Variants in MGMT observed in about 807,000 individuals in gnomAD.
MGMT encodes the protein O-6-methylguanine-DNA methyltransferase, also known as methylated-DNA--protein-cysteine methyltransferase.
A neutral mutation model predicts 15.9 loss-of-function variants in MGMT; 14 were observed. The ratio of observed to expected loss-of-function variants is 0.88; its 90% CI spans 0.58 to 1.37. The LOEUF (loss-of-function observed/expected upper bound fraction) is 1.37. Among genes scored for constraint, MGMT ranks in the 40% most tolerant of loss-of-function variants. The pLI is 0.00. For missense variants in MGMT, 282 were observed against 268.1 expected (o/e 1.05, Z -0.36); for synonymous variants, 130 against 118.2 (o/e 1.10, Z -0.65).
At chr10:129,607,212 A>G (rs1362163647) in intron 2 of MGMT, among the ~76,000 whole-genome samples, 2 of 151,942 alleles carry the variant, frequency 1.3e-5, no homozygotes, top group Non-Finnish European at 2.9e-5. Flanking sequence ...CCACGCGTAA[A>G]TCCTCAGAAG....
At chr10:129,472,091 C>G (rs1845238363) in intron 1 of MGMT, among the ~76,000 whole-genome samples, 1 of 152,160 alleles carries the variant, frequency 6.6e-6, no homozygotes, top group Admixed American at 6.5e-5. Context: ...AGAGGGTTGT[C>G]TTGTTTTTAA....
intron 2 of MGMT, among the ~76,000 whole-genome samples, chr10:129,645,731 C>T (rs893745249): frequency 6.6e-6 from 1 of 152,214 alleles, no homozygotes; most frequent in Admixed American, 6.5e-5. Flanking sequence ...TGGACACGTT[C>T]TTTCTCCTTA....
chr10:129,654,884 G>A (rs1206899721), intron 2 of MGMT, among the ~76,000 whole-genome samples: 1 of 152,166 alleles, frequency 6.6e-6, no homozygotes, highest in Non-Finnish European at 1.5e-5. Context: ...TTCTACAAAT[G>A]CCTGAGAAGA....
At chr10:129,669,164 G>GT (rs1274289285) in intron 2 of MGMT, among the ~76,000 whole-genome samples, 7 of 151,864 alleles carry the variant, frequency 4.6e-5, no homozygotes, top group Non-Finnish European at 7.4e-5. Context: ...TGATATTTTT[G>GT]TTTTTTTAAA....
At chr10:129,753,517 T>C (rs1288806245) in intron 3 of MGMT, among the ~76,000 whole-genome samples, 1 of 152,180 alleles carries the variant, frequency 6.6e-6, no homozygotes, top group East Asian at 1.9e-4. Flanking sequence ...TACTTTTTTT[T>C]CTGTTGTTTG....
chr10:129,513,775 G>T (rs889192719), intron 1 of MGMT, among the ~76,000 whole-genome samples: 1 of 152,196 alleles, frequency 6.6e-6, no homozygotes, highest in African/African-American at 2.4e-5. Context: ...CCTTCATGAG[G>T]ATGTTGGAGC....
chr10:129,508,520 C>CTT (rs11311009), intron 1 of MGMT, among the ~76,000 whole-genome samples: 1 of 141,540 alleles, frequency 7.1e-6, no homozygotes, highest in Non-Finnish European at 1.5e-5. Context: ...TTCTTTCTTT[C>CTT]TTTTTTTTTT....
At chr10:129,756,615 G>A (rs774744150) in intron 3 of MGMT, among the ~76,000 whole-genome samples, 12 of 152,298 alleles carry the variant, frequency 7.9e-5, no homozygotes, top group South Asian at 6.2e-4. Flanking sequence ...GACTGCAGAC[G>A]AGCACCACCA....
At chr10:129,643,998 A>G (rs1229402860) in intron 2 of MGMT, among the ~76,000 whole-genome samples, 1 of 152,100 alleles carries the variant, frequency 6.6e-6, no homozygotes, top group Non-Finnish European at 1.5e-5. Context: ...TACTTTGATG[A>G]TGCGAATATC....
intron 1 of MGMT, among the ~76,000 whole-genome samples, chr10:129,507,490 G>GAGATCTGGCTTTCAGTCCCTGTTCAC: frequency 6.6e-6 from 1 of 152,294 alleles, no homozygotes; most frequent in South Asian, 2.1e-4. Context: ...CCTGCTGGAG[G>GAGATCTGGCTTTCAGTCCCTGTTCAC]AGATCTGGCT....
At chr10:129,657,171 G>C (rs896936937) in intron 2 of MGMT, among the ~76,000 whole-genome samples, 3 of 152,098 alleles carry the variant, frequency 2.0e-5, no homozygotes, top group African/African-American at 4.8e-5. Flanking sequence ...GTGTTTACCT[G>C]CCCAGAGTTG....
intron 2 of MGMT, among the ~76,000 whole-genome samples, chr10:129,614,529 G>T (rs1268675417): frequency 6.6e-6 from 1 of 152,202 alleles, no homozygotes; most frequent in Non-Finnish European, 1.5e-5. Flanking sequence ...TTCTCCTTCA[G>T]ATCAGCGGCC....
rs953493933 is a variant in MGMT at position 129,614,905 on chromosome 10, C to T, written c.125+78528C>T. 2.0e-5 allele frequency among the ~76,000 whole-genome samples: 3 copies of T among 152,180 alleles called. No homozygotes were observed. In the South Asian group the frequency reaches 6.2e-4, roughly 32 times the overall value. On this transcript the variant is annotated intron_variant, in intron 2 of 4. Transcript: ENST00000651593. ...TGGGTGCCGAGCGCTCCCTCGTCAG[C>T]TTTTGCAAAGCATTTTGCATATTCC...
At chr10:129,490,902 A>G (rs1845462780) in intron 1 of MGMT, among the ~76,000 whole-genome samples, 2 of 152,364 alleles carry the variant, frequency 1.3e-5, no homozygotes, top group African/African-American at 2.4e-5. Flanking sequence ...TGGACTTACT[A>G]TAGTTCACCT....
At chr10:129,565,589 G>A (rs1248633198) in intron 2 of MGMT, among the ~76,000 whole-genome samples, 1 of 152,178 alleles carries the variant, frequency 6.6e-6, no homozygotes, top group Non-Finnish European at 1.5e-5. Context: ...TGCTTTGGAT[G>A]TGGTAGACAC....
chr10:129,719,260 A>T (rs1848339497), intron 3 of MGMT, among the ~76,000 whole-genome samples: 1 of 152,244 alleles, frequency 6.6e-6, no homozygotes, highest in South Asian at 2.1e-4. Flanking sequence ...CAGGCTGTCT[A>T]GAGCCAGTCC....
chr10:129,706,629 G>C (rs1480177977), intron 2 of MGMT, among the ~76,000 whole-genome samples: 2 of 152,196 alleles, frequency 1.3e-5, no homozygotes, highest in Non-Finnish European at 2.9e-5. Flanking sequence ...TCGAGAGGCA[G>C]GGAAGGAAGG....
At chr10:129,554,628 T>G (rs1846192845) in intron 2 of MGMT, among the ~76,000 whole-genome samples, 1 of 152,204 alleles carries the variant, frequency 6.6e-6, no homozygotes, top group African/African-American at 2.4e-5. Context: ...CCTTTCTCCC[T>G]GTAGCTTTTT....
At chr10:129,679,429 GT>G (rs964874211) in intron 2 of MGMT, among the ~76,000 whole-genome samples, 1 of 151,948 alleles carries the variant, frequency 6.6e-6, no homozygotes, top group African/African-American at 2.4e-5. Flanking sequence ...ACCAAAGAGC[GT>G]TTTTTTCACA....
Sources: allele counts gnomAD v4.1 joint callset (sites outside exome capture counted in the v4.1 genomes callset), GRCh38; gene constraint gnomAD v4.1.1; transcripts MANE v1.5; gene names NCBI Gene and HGNC (gene_info 2026-07-23, HGNC 2026-07-21).